Variants in CSMD3 observed in about 807,000 individuals in gnomAD.
CSMD3 encodes CUB and Sushi multiple domains 3, also known as CUB and sushi domain-containing protein 3.
A neutral mutation model predicts 435.2 loss-of-function variants in CSMD3; 177 were observed. That is an observed-to-expected ratio of 0.41 (90% confidence interval 0.36 to 0.46). The LOEUF (loss-of-function observed/expected upper bound fraction) is 0.46, where lower values mean the gene tolerates loss of function less well. Ranked by LOEUF, CSMD3 falls within the 20% of genes least tolerant of loss-of-function variation. The pLI is 0.34. For synonymous variants in CSMD3, 1,656 were observed against 1,520.5 expected (o/e 1.09, Z -2.07); for missense variants, 4,265 against 4,504.6 (o/e 0.95, Z 1.52).
At chr8:113,052,452 C>A (rs536024293) in intron 5 of CSMD3, among the ~76,000 whole-genome samples, 1 of 152,254 alleles carries the variant, frequency 6.6e-6, no homozygotes, top group East Asian at 1.9e-4. Flanking sequence ...TGCTTACCAT[C>A]TAATAAGAAA....
At chr8:112,698,913 G>A (rs1253622589) in intron 13 of CSMD3, among the ~76,000 whole-genome samples, 1 of 152,064 alleles carries the variant, frequency 6.6e-6, no homozygotes, top group Non-Finnish European at 1.5e-5. Flanking sequence ...GCACCAATCA[G>A]CACTCTGTAA....
chr8:112,993,666 T>C (rs1186562288), intron 6 of CSMD3, among the ~76,000 whole-genome samples: 2 of 151,586 alleles, frequency 1.3e-5, no homozygotes, highest in Non-Finnish European at 3.0e-5. Context: ...AGAAAGAAAA[T>C]ATACAAAAGT....
intron 3 of CSMD3, among the ~76,000 whole-genome samples, chr8:113,263,543 A>G (rs2132369265): frequency 6.6e-6 from 1 of 151,944 alleles, no homozygotes; most frequent in East Asian, 1.9e-4. Flanking sequence ...TTAGCCTGTT[A>G]TTATGACTTT....
chr8:112,869,426 G>A (rs138482793), intron 10 of CSMD3, among the ~76,000 whole-genome samples: 1 of 151,984 alleles, frequency 6.6e-6, no homozygotes, highest in African/African-American at 2.4e-5. Context: ...ATTATTTCTG[G>A]GTATGAAAAC....
intron 38 of CSMD3, among the ~76,000 whole-genome samples, chr8:112,374,248 G>C (rs916296335): frequency 6.6e-6 from 1 of 152,000 alleles, no homozygotes; most frequent in Admixed American, 6.6e-5. Context: ...GTTATCCTTT[G>C]GCACAGATCT....
intron 10 of CSMD3, among the ~76,000 whole-genome samples, chr8:112,870,124 A>G (rs1363583443): frequency 2.0e-5 from 3 of 152,080 alleles, no homozygotes; most frequent in Non-Finnish European, 4.4e-5. Context: ...TTTTAGGTTC[A>G]GGGTACATGC....
intron 23 of CSMD3, among the ~76,000 whole-genome samples, chr8:112,583,940 C>G (rs1830522095): frequency 6.6e-6 from 1 of 151,558 alleles, no homozygotes; most frequent in African/African-American, 2.4e-5. Flanking sequence ...ATTGCTTTTT[C>G]ATGGCTAGAA....
intron 12 of CSMD3, among the ~76,000 whole-genome samples, chr8:112,811,005 T>C (rs1324410739): frequency 1.3e-5 from 2 of 152,056 alleles, no homozygotes; most frequent in Non-Finnish European, 2.9e-5. Flanking sequence ...AGAATCTGCT[T>C]GAACTATTCA....
chr8:112,772,711 A>G lies in CSMD3; in HGVS notation c.1972+27451T>C, dbSNP rs902022518. Among the ~76,000 whole-genome samples the G allele has an allele frequency of 5.9e-5, 9 of 152,196 alleles. No individual in the cohort carries two copies. The East Asian group carries it at 1.8e-3, about 30-fold the overall frequency. On this transcript the variant is annotated intron_variant, in intron 13 of 70. Coordinates refer to ENST00000297405, the MANE Select transcript of CSMD3 (RefSeq NM_198123.2). ...TGGGCAATGGAATGTCTCCCTGTAA[A>G]GCCCGATTGTATATTCCATCTACTG...
At chr8:113,063,940 AT>A in intron 5 of CSMD3, among the ~76,000 whole-genome samples, 1 of 151,820 alleles carries the variant, frequency 6.6e-6, no homozygotes, top group East Asian at 1.9e-4. Flanking sequence ...TTCCTTTAAT[AT>A]ATTAAAAGGA....
At chr8:113,326,450 T>C (rs1018978494) in intron 1 of CSMD3, among the ~76,000 whole-genome samples, 1 of 152,040 alleles carries the variant, frequency 6.6e-6, no homozygotes, top group African/African-American at 2.4e-5. Context: ...TGTCTACAAA[T>C]TAAACAACAA....
intron 3 of CSMD3, among the ~76,000 whole-genome samples, chr8:113,231,426 T>C (rs555693030): frequency 6.6e-6 from 1 of 151,524 alleles, no homozygotes; most frequent in South Asian, 2.1e-4. Flanking sequence ...TGTAGGGGCA[T>C]TTAAGGGCTC....
At chr8:112,872,630 G>A (rs139615500) in intron 10 of CSMD3, among the ~76,000 whole-genome samples, 20 of 151,836 alleles carry the variant, frequency 1.3e-4, no homozygotes, top group African/African-American at 3.9e-4. Flanking sequence ...TATCTACAGC[G>A]CTGCCTCCCT....
rs17652171 is a variant in CSMD3 at position 112,650,354 on chromosome 8, A to C, written c.3005-5T>G. 0.15 allele frequency: 233,226 copies of C among 1,606,904 alleles called. 18,283 individuals carry two copies. Among genetic ancestry groups the C allele is most frequent in the Middle Eastern group, 0.31 (1,848 of 6,044 alleles). ...AATACGTGTTCACTGTAACACCTGG[A>C]AAACAAAGGGAAGAAAATAAAGAGT... is the stretch of plus-strand genomic sequence containing the variant. On this transcript the variant is annotated splice_region_variant and splice_polypyrimidine_tract_variant and intron_variant, in intron 18 of 70. Coordinates refer to ENST00000297405, the MANE Select transcript of CSMD3 (RefSeq NM_198123.2).
chr8:113,172,128 C>T (rs1264612085), intron 4 of CSMD3, among the ~76,000 whole-genome samples: 1 of 152,136 alleles, frequency 6.6e-6, no homozygotes, highest in African/African-American at 2.4e-5. Context: ...AATAAACTAT[C>T]CTTTATTTCT....
intron 19 of CSMD3, among the ~76,000 whole-genome samples, chr8:112,648,910 TCTC>T (rs1399166618): frequency 2.0e-5 from 3 of 152,138 alleles, no homozygotes; most frequent in African/African-American, 4.8e-5. Context: ...AATGGGCCCT[TCTC>T]CTTCACTAGA....
chr8:112,290,438 C>G (rs1050323489), intron 56 of CSMD3, among the ~76,000 whole-genome samples: 1 of 151,930 alleles, frequency 6.6e-6, no homozygotes. Flanking sequence ...AATGTGGTAG[C>G]TACATAAGAA....
chr8:113,145,619 G>C lies in CSMD3; in HGVS notation c.709+28103C>G, dbSNP rs565311835. Among the ~76,000 whole-genome samples the C allele has an allele frequency of 1.4e-4, 21 of 151,638 alleles. No homozygotes were observed. The East Asian group carries it at 4.1e-3, about 30-fold the overall frequency. On this transcript the variant is annotated intron_variant, in intron 4 of 70. Transcript: ENST00000297405. Reference sequence around the variant, plus strand: ...TTGGTAGTCAACCAAAGGTATAATGGTATTTTTATACCAGTTTACTTAATA... The same window carrying C: ...TTGGTAGTCAACCAAAGGTATAATGCTATTTTTATACCAGTTTACTTAATA...
intron 16 of CSMD3, among the ~76,000 whole-genome samples, chr8:112,681,529 T>C (rs2075894731): frequency 6.6e-6 from 1 of 152,130 alleles, no homozygotes; most frequent in African/African-American, 2.4e-5. Context: ...ATGATCATCC[T>C]TCCTTCTTAC....
Sources: gnomAD v4.1 joint callset for allele counts (sites outside exome capture counted in the v4.1 genomes callset) on GRCh38, gnomAD v4.1.1 for gene constraint, MANE v1.5 for transcripts, NCBI Gene and HGNC (gene_info 2026-07-23, HGNC 2026-07-21) for gene names.